Variants in SLC7A11 observed in about 807,000 individuals in gnomAD.
The protein encoded by SLC7A11 is solute carrier family 7 member 11.
A neutral mutation model predicts 54.5 loss-of-function variants in SLC7A11; 35 were observed. The ratio of observed to expected loss-of-function variants is 0.64; its 90% CI spans 0.49 to 0.85. The LOEUF (loss-of-function observed/expected upper bound fraction) is 0.85, where lower values mean the gene tolerates loss of function less well. SLC7A11 is among the 40% of genes least tolerant of loss of function. The pLI is 0.00. For missense variants in SLC7A11, 583 were observed against 618.1 expected (o/e 0.94, Z 0.60); for synonymous variants, 230 against 225.2 (o/e 1.02, Z -0.19).
At chr4:138,203,479 A>C (rs146615521) in intron 6 of SLC7A11, among the ~76,000 whole-genome samples, 1 of 152,008 alleles carries the variant, frequency 6.6e-6, no homozygotes, top group South Asian at 2.1e-4. Context: ...ATATTTTTGC[A>C]TAGTACGTAA....
At chr4:138,225,167 TATATAA>T (rs1285946127) in intron 3 of SLC7A11, among the ~76,000 whole-genome samples, 56 of 133,962 alleles carry the variant, frequency 4.2e-4, no homozygotes, top group African/African-American at 6.0e-4. Flanking sequence ...TATATATATA[TATATAA>T]ATAAAATCAT....
rs114197498 is a variant in SLC7A11, at chr4:138,167,699, C to T, written c.*4257G>A. The T allele has an allele frequency of 2.1e-3, 327 of 152,178 alleles. 1 individual carries two copies. Among genetic ancestry groups the T allele is most frequent in the African/African-American group, 7.3e-3 (304 of 41,514 alleles). 9.4% of individuals were successfully genotyped at this position (152,178 alleles called of 1,614,324 possible). On this transcript the variant is annotated 3_prime_UTR_variant, in exon 12 of 12. Transcript: ENST00000280612. ...CTTCTTCCCAGTTGTTATACAATGC[C>T]ATATTTTAATTCCTGACTGAATGGT...
chr4:138,203,485 C>T (rs944536638), intron 6 of SLC7A11, among the ~76,000 whole-genome samples: 7 of 151,876 alleles, frequency 4.6e-5, no homozygotes, highest in Admixed American at 3.3e-4. Flanking sequence ...TTGCATAGTA[C>T]GTAAACACTA....
chr4:138,226,613 T>C (rs144877333), intron 3 of SLC7A11, among the ~76,000 whole-genome samples: 2 of 152,240 alleles, frequency 1.3e-5, no homozygotes, highest in East Asian at 3.9e-4. Context: ...AACTGCTGTT[T>C]CATCACGTGT....
At chr4:138,214,466 G>A (rs547310567) in intron 6 of SLC7A11, 119 bp downstream of exon 6, 141 of 487,834 alleles carry the variant, frequency 2.9e-4, no homozygotes, top group Non-Finnish European at 4.6e-4. Context: ...TAGTGATGAT[G>A]ATGACGATGT....
chr4:138,173,748 C>T lies in SLC7A11; in HGVS notation c.1445-1731G>A, dbSNP rs555902393. On this transcript the variant is annotated intron_variant, in intron 11 of 11. Coordinates refer to ENST00000280612, the MANE Select transcript of SLC7A11 (RefSeq NM_014331.4). ...AATTGTAAAGGGCCCAGCACAGTCT[C>T]GGTAAATTATAAACTCTGAGTGTTT... Among the ~76,000 whole-genome samples the T allele has an allele frequency of 4.6e-5, 7 of 152,052 alleles. No individual in the cohort carries two copies. The South Asian group carries it at 6.2e-4, about 14-fold the overall frequency.
At chr4:138,200,446 C>T (rs1737249407) in intron 6 of SLC7A11, among the ~76,000 whole-genome samples, 1 of 152,076 alleles carries the variant, frequency 6.6e-6, no homozygotes, top group Non-Finnish European at 1.5e-5. Context: ...CAAATGCAGG[C>T]AAATTTTAAT....
At chr4:138,186,719 A>G (rs1177358872) in intron 6 of SLC7A11, among the ~76,000 whole-genome samples, 1 of 152,210 alleles carries the variant, frequency 6.6e-6, no homozygotes. Flanking sequence ...CAAATATAAA[A>G]GGATAAATGG....
At chr4:138,173,408 G>A (rs1439963816) in intron 11 of SLC7A11, among the ~76,000 whole-genome samples, 1 of 152,058 alleles carries the variant, frequency 6.6e-6, no homozygotes, top group East Asian at 1.9e-4. Flanking sequence ...GCTGAGGTGG[G>A]TGGATCACCT....
At chr4:138,220,093 T>C (rs894479267) in intron 4 of SLC7A11, among the ~76,000 whole-genome samples, 1 of 151,896 alleles carries the variant, frequency 6.6e-6, no homozygotes, top group Non-Finnish European at 1.5e-5. Flanking sequence ...GAGCGCGCCA[T>C]CATGCCCAAC....
intron 6 of SLC7A11, among the ~76,000 whole-genome samples, chr4:138,194,329 T>C (rs1185124471): frequency 1.3e-5 from 2 of 152,142 alleles, no homozygotes; most frequent in East Asian, 3.9e-4. Context: ...CCCGCAGAAA[T>C]GGAAATGTTG....
chr4:138,219,962 T>A (rs1737771549), intron 4 of SLC7A11, among the ~76,000 whole-genome samples: 2 of 135,370 alleles, frequency 1.5e-5, no homozygotes, highest in Non-Finnish European at 3.1e-5. Flanking sequence ...TTTTTCAAGA[T>A]GGAGTCTCAC....
chr4:138,181,584 GA>G lies in SLC7A11; in HGVS notation c.1116+712del, dbSNP rs60120738. Among the ~76,000 whole-genome samples the G allele has an allele frequency of 2.2e-3, 328 of 150,936 alleles. 4 individuals are homozygous for G. Among genetic ancestry groups the G allele is most frequent in the African/African-American group, 7.3e-3 (301 of 41,250 alleles). ...ACGTTCTGAAACAAATTAAATGCATGAAAAAAAAATGTTCAGTGCATTCTGT... is the reference window on the plus strand; with the variant it reads ...ACGTTCTGAAACAAATTAAATGCATGAAAAAAAATGTTCAGTGCATTCTGT... On this transcript the variant is annotated intron_variant, in intron 9 of 11. Transcript: ENST00000280612.
chr4:138,200,599 A>G (rs1257099289), intron 6 of SLC7A11, among the ~76,000 whole-genome samples: 1 of 152,084 alleles, frequency 6.6e-6, no homozygotes, highest in Non-Finnish European at 1.5e-5. Flanking sequence ...CAACAACACT[A>G]AGCATTTGGA....
intron 6 of SLC7A11, among the ~76,000 whole-genome samples, chr4:138,192,929 A>C (rs986230562): frequency 6.6e-6 from 1 of 152,148 alleles, no homozygotes; most frequent in Non-Finnish European, 1.5e-5. Flanking sequence ...AAGCAACGTT[A>C]AGTAAATATA....
At chr4:138,195,479 A>T (rs1193370163) in intron 6 of SLC7A11, among the ~76,000 whole-genome samples, 2 of 152,092 alleles carry the variant, frequency 1.3e-5, no homozygotes, top group African/African-American at 2.4e-5. Context: ...ACACACAAAA[A>T]TTCATCCTCT....
chr4:138,196,666 T>G (rs1010575826), intron 6 of SLC7A11, among the ~76,000 whole-genome samples: 3 of 150,556 alleles, frequency 2.0e-5, no homozygotes, highest in African/African-American at 4.9e-5. Context: ...TTTTATTTTA[T>G]TATTATTTTT....
In SLC7A11 at chr4:138,170,125, T is replaced by C. The variant is rs562274662; in HGVS notation, c.*1831A>G. Reference sequence around the variant, plus strand: ...TAAAGGATGAAACATACTCTGGCCATGACTAACCATTTTACCTTAGATGTT... The same window carrying C: ...TAAAGGATGAAACATACTCTGGCCACGACTAACCATTTTACCTTAGATGTT... On this transcript the variant is annotated 3_prime_UTR_variant, in exon 12 of 12. Transcript: ENST00000280612. The C allele has an allele frequency of 9.4e-5, 14 of 148,924 alleles. No homozygotes were observed. The highest frequency in any genetic ancestry group is 3.2e-4 in the African/African-American group (13 of 40,840). 9.2% of individuals were successfully genotyped at this position (148,924 alleles called of 1,614,324 possible). A position where few individuals can be genotyped will look rare whatever the true frequency, so the allele number is the denominator to read the frequency against.
At chr4:138,201,560 G>C (rs1363894821) in intron 6 of SLC7A11, among the ~76,000 whole-genome samples, 1 of 152,112 alleles carries the variant, frequency 6.6e-6, no homozygotes, top group Non-Finnish European at 1.5e-5. Flanking sequence ...CTCTGAGACT[G>C]AGATAATTGT....
Sources: allele counts gnomAD v4.1 joint callset (sites outside exome capture counted in the v4.1 genomes callset), GRCh38; gene constraint gnomAD v4.1.1; transcripts MANE v1.5; gene names NCBI Gene and HGNC (gene_info 2026-07-23, HGNC 2026-07-21).